Variants in ZFAND3 observed in about 807,000 individuals in gnomAD.
ZFAND3 encodes AN1-type zinc finger protein 3.
ZFAND3 carries 10 observed loss-of-function variants against 29.6 expected under a neutral mutation model. That is an observed-to-expected ratio of 0.34 (90% CI 0.21 to 0.57). The LOEUF is 0.57. ZFAND3 is among the 20% of genes least tolerant of loss of function. The probability of loss-of-function intolerance (pLI) is 0.86; values close to 1 mark genes in which losing one functional copy is unlikely to be tolerated. For missense variants in ZFAND3, 230 were observed against 304.5 expected, an observed-to-expected ratio of 0.76 and a Z score of 1.82; for synonymous variants, 128 against 112.6, an observed-to-expected ratio of 1.14 and a Z score of -0.87.
At chr6:38,136,054 G>A (rs1376701188) in intron 5 of ZFAND3, among the ~76,000 whole-genome samples, 1 of 152,168 alleles carries the variant, frequency 6.6e-6, no homozygotes, top group South Asian at 2.1e-4. Flanking sequence ...TGGAGGCGGG[G>A]CAAAAATGGA....
rs75927011 is a variant in ZFAND3 at position 38,039,843 on chromosome 6, T to C, written c.113-21750T>C. Reference sequence around the variant, plus strand: ...CAAATATGACTAATATTAAAATGAATTCTAAATGGTGGACCAAGTGGTTAT... The same window carrying C: ...CAAATATGACTAATATTAAAATGAACTCTAAATGGTGGACCAAGTGGTTAT... On this transcript the variant is annotated intron_variant, in intron 2 of 5. Transcript: ENST00000287218. 3.1e-3 allele frequency among the ~76,000 whole-genome samples: 472 copies of C among 152,290 alleles called. 2 individuals are homozygous for C. Among genetic ancestry groups the C allele is most frequent in the African/African-American group, 0.011 (449 of 41,562 alleles).
At chr6:38,051,873 AAC>A (rs139940126) in intron 2 of ZFAND3, among the ~76,000 whole-genome samples, 9,869 of 152,286 alleles carry the variant, frequency 0.065, 391 homozygotes, top group Non-Finnish European at 0.093. Flanking sequence ...CTGTAATGTT[AAC>A]AGTTAATTTA....
intron 2 of ZFAND3, among the ~76,000 whole-genome samples, chr6:37,935,450 T>C (rs1414913573): frequency 2.0e-5 from 3 of 152,192 alleles, no homozygotes; most frequent in Non-Finnish European, 2.9e-5. Context: ...GACATAGTTA[T>C]GGCAAATTAA....
intron 5 of ZFAND3, among the ~76,000 whole-genome samples, chr6:38,133,052 C>T (rs1459564651): frequency 6.6e-6 from 1 of 152,198 alleles, no homozygotes; most frequent in Non-Finnish European, 1.5e-5. Context: ...GTGTTTGTCT[C>T]CACAGTTTTT....
intron 5 of ZFAND3, among the ~76,000 whole-genome samples, chr6:38,126,281 C>G (rs1765632690): frequency 6.6e-6 from 1 of 152,100 alleles, no homozygotes; most frequent in African/African-American, 2.4e-5. Flanking sequence ...TATGGATATA[C>G]CACATGTGTT....
intron 3 of ZFAND3, among the ~76,000 whole-genome samples, chr6:38,070,280 C>G (rs925362302): frequency 1.3e-5 from 2 of 151,988 alleles, no homozygotes; most frequent in Admixed American, 1.3e-4. Flanking sequence ...AAAAATTAGC[C>G]TGGCATGGTG....
chr6:37,949,057 G>A (rs930124740), intron 2 of ZFAND3, among the ~76,000 whole-genome samples: 2 of 151,956 alleles, frequency 1.3e-5, no homozygotes, highest in Admixed American at 6.6e-5. Context: ...CTTCAGTGGC[G>A]GTACTAATTT....
chr6:38,012,168 T>C (rs1763166622), intron 2 of ZFAND3, among the ~76,000 whole-genome samples: 1 of 152,112 alleles, frequency 6.6e-6, no homozygotes, highest in Non-Finnish European at 1.5e-5. Context: ...CCGTTCCTAG[T>C]GGAGAAGTTG....
intron 1 of ZFAND3, among the ~76,000 whole-genome samples, chr6:37,926,211 A>C (rs896614572): frequency 6.6e-6 from 1 of 152,266 alleles, no homozygotes; most frequent in Non-Finnish European, 1.5e-5. Context: ...GATCAGATAC[A>C]TAACCCTTGT....
At chr6:37,880,536 C>T (rs1472287561) in intron 1 of ZFAND3, among the ~76,000 whole-genome samples, 3 of 152,052 alleles carry the variant, frequency 2.0e-5, no homozygotes, top group Admixed American at 2.0e-4. Flanking sequence ...GGATGAGATA[C>T]CCCCTCTGAA....
chr6:37,865,417 C>A (rs1764573484), intron 1 of ZFAND3, among the ~76,000 whole-genome samples: 2 of 152,100 alleles, frequency 1.3e-5, no homozygotes, highest in Non-Finnish European at 2.9e-5. Flanking sequence ...TCCATGGATG[C>A]AGAACCCACA....
intron 5 of ZFAND3, among the ~76,000 whole-genome samples, chr6:38,123,446 C>T (rs1469281434): frequency 6.6e-6 from 1 of 152,226 alleles, no homozygotes; most frequent in Non-Finnish European, 1.5e-5. Context: ...GAAAGTGAGG[C>T]AGTATGTTCT....
intron 5 of ZFAND3, chr6:38,142,245 C>G: frequency 2.1e-6 from 1 of 471,404 alleles, no homozygotes; most frequent in South Asian, 1.5e-5. Flanking sequence ...GGAAAATGTT[C>G]CTTTCTTTTC....
intron 1 of ZFAND3, among the ~76,000 whole-genome samples, chr6:37,851,506 C>T (rs1221679918): frequency 7.8e-6 from 1 of 128,798 alleles, no homozygotes. Flanking sequence ...CTTGTTTAGC[C>T]CAGTCTCCCA....
chr6:37,828,382 C>G (rs1438666684), intron 1 of ZFAND3, among the ~76,000 whole-genome samples: 1 of 152,170 alleles, frequency 6.6e-6, no homozygotes, highest in African/African-American at 2.4e-5. Flanking sequence ...TATTTCAGAT[C>G]ATAATTTTTT....
intron 5 of ZFAND3, among the ~76,000 whole-genome samples, chr6:38,133,749 C>CAA (rs879729794): frequency 1.7e-5 from 2 of 120,922 alleles, no homozygotes; most frequent in African/African-American, 3.1e-5. Flanking sequence ...GACTCTGTCT[C>CAA]AAAAAAAAAA....
intron 3 of ZFAND3, among the ~76,000 whole-genome samples, chr6:38,066,385 A>G (rs975675086): frequency 1.3e-5 from 2 of 152,168 alleles, no homozygotes; most frequent in Non-Finnish European, 2.9e-5. Flanking sequence ...GCAGCAGGAG[A>G]TTGCCTATGT....
intron 2 of ZFAND3, among the ~76,000 whole-genome samples, chr6:38,026,787 CAGAGAGAGAGAG>C (rs71907088): frequency 6.7e-6 from 1 of 148,936 alleles, no homozygotes; most frequent in Admixed American, 6.7e-5. Flanking sequence ...TTTTAATAAC[CAGAGAGAGAGAG>C]AGAGAGAGAG....
chr6:37,828,278 T>C (rs1763795065), intron 1 of ZFAND3, among the ~76,000 whole-genome samples: 1 of 152,244 alleles, frequency 6.6e-6, no homozygotes, highest in Non-Finnish European at 1.5e-5. Flanking sequence ...CTGTGGCTTA[T>C]GGTACCTAAC....
Sources: gnomAD v4.1 joint callset for allele counts (sites outside exome capture counted in the v4.1 genomes callset) on GRCh38, gnomAD v4.1.1 for gene constraint, MANE v1.5 for transcripts, NCBI Gene and HGNC (gene_info 2026-07-23, HGNC 2026-07-21) for gene names.